The following HDHD2 variants were observed in gnomAD, a reference collection of about 807,000 sequenced individuals.
The protein encoded by HDHD2 is haloacid dehalogenase-like hydrolase domain-containing protein 2.
Under a neutral mutation model 24.8 loss-of-function variants are expected in HDHD2, and 26 were observed. The ratio of observed to expected loss-of-function variants is 1.05; its 90% CI spans 0.77 to 1.45. The LOEUF (loss-of-function observed/expected upper bound fraction) is 1.45. Among genes scored for constraint, HDHD2 ranks in the 40% most tolerant of loss-of-function variants. HDHD2 has a pLI of 0.00. For missense variants in HDHD2, 299 were observed against 313.4 expected (o/e 0.95, Z 0.35); for synonymous variants, 128 against 114.9 (o/e 1.11, Z -0.73).
Position 47,108,621 on chromosome 18 carries a change from A to AG in HDHD2, c.*60dup. 1 of 875,292 alleles carries AG rather than the reference A, an allele frequency of 1.1e-6. No homozygotes were observed. 54.2% of individuals were successfully genotyped at this position (875,292 alleles called of 1,614,324 possible). ...TACCGATGCTGGCACTGAGTTGGTA[A>AG]GGGATTCATTCCAGACAATAAGAAG... is the stretch of plus-strand genomic sequence containing the variant. On this transcript the variant is annotated 3_prime_UTR_variant, in exon 7 of 7. Coordinates refer to ENST00000300605, the MANE Select transcript of HDHD2 (RefSeq NM_032124.5).
At chr18:47,143,862 G>A (rs778180640) in intron 1 of HDHD2, among the ~76,000 whole-genome samples, 3 of 152,038 alleles carry the variant, frequency 2.0e-5, no homozygotes, top group Non-Finnish European at 4.4e-5. Flanking sequence ...TCCAAAATAG[G>A]AGTCCAAAAA....
intron 1 of HDHD2, among the ~76,000 whole-genome samples, chr18:47,145,226 C>G (rs908466821): frequency 2.0e-5 from 3 of 152,218 alleles, no homozygotes; most frequent in African/African-American, 7.2e-5. Flanking sequence ...CAACTCCAAT[C>G]AATATCCCAA....
chr18:47,141,455 GTCAT>G (rs1278020905), intron 1 of HDHD2, among the ~76,000 whole-genome samples: 2 of 152,096 alleles, frequency 1.3e-5, no homozygotes, highest in African/African-American at 4.8e-5. Context: ...TTGGGGCTGA[GTCAT>G]TAAAGAGGGT....
chr18:47,123,585 C>T (rs2063627871), intron 4 of HDHD2, among the ~76,000 whole-genome samples: 1 of 151,980 alleles, frequency 6.6e-6, no homozygotes, highest in African/African-American at 2.4e-5. Flanking sequence ...GAAATTCTGT[C>T]TCAGAAAAAC....
intron 1 of HDHD2, among the ~76,000 whole-genome samples, chr18:47,148,843 A>T (rs373055391): frequency 6.6e-5 from 10 of 152,198 alleles, no homozygotes; most frequent in African/African-American, 2.4e-4. Flanking sequence ...ACCAGCCCTA[A>T]ATTATTCCCT....
At chr18:47,121,312 A>G (rs967931114) in intron 4 of HDHD2, among the ~76,000 whole-genome samples, 1 of 152,060 alleles carries the variant, frequency 6.6e-6, no homozygotes, top group Non-Finnish European at 1.5e-5. Context: ...CCCACTCCCC[A>G]AAAGTGTTTC....
chr18:47,136,188 G>A (rs1241458028), intron 2 of HDHD2, 151 bp downstream of exon 2: 1 of 843,756 alleles, frequency 1.2e-6, no homozygotes, highest in African/African-American at 1.7e-5. Flanking sequence ...AAATTGTAAT[G>A]CATACATCTT....
intron 2 of HDHD2, among the ~76,000 whole-genome samples, chr18:47,135,639 T>C (rs1331968398): frequency 2.0e-5 from 3 of 152,212 alleles, no homozygotes; most frequent in African/African-American, 7.2e-5. Context: ...ATACTAAGTA[T>C]TGCTGATTTT....
chr18:47,115,078 G>A, intron 5 of HDHD2, 54 bp downstream of exon 5: 2 of 1,317,346 alleles, frequency 1.5e-6, no homozygotes, highest in Non-Finnish European at 2.2e-6. Context: ...TTCTAAGCTG[G>A]CTTTCCCAGC....
chr18:47,144,858 A>G (rs2063854030), intron 1 of HDHD2, among the ~76,000 whole-genome samples: 1 of 151,978 alleles, frequency 6.6e-6, no homozygotes, highest in Non-Finnish European at 1.5e-5. Context: ...CAAAGAAATC[A>G]AATTATAAGA....
intron 4 of HDHD2, among the ~76,000 whole-genome samples, chr18:47,118,068 G>A (rs1278267400): frequency 1.3e-5 from 2 of 151,824 alleles, no homozygotes; most frequent in African/African-American, 4.8e-5. Context: ...AAAATTTCTG[G>A]CTATAAATTC....
In HDHD2 at chr18:47,113,048, A is replaced by G. The variant is rs759582732; in HGVS notation, c.613-8T>C. 14 of 1,613,874 alleles carry G rather than the reference A, an allele frequency of 8.7e-6. No individual in the cohort carries two copies. The highest frequency in any genetic ancestry group is 1.2e-5 in the Non-Finnish European group (14 of 1,179,752). ...AACATCATCCCTGCAATCCTAGAAA[A>G]GCATAAAGAAAGCATTTAGTCCAGT... On this transcript the variant is annotated splice_polypyrimidine_tract_variant and splice_region_variant and intron_variant, in intron 5 of 6. Transcript: ENST00000300605.
intron 4 of HDHD2, among the ~76,000 whole-genome samples, chr18:47,117,609 A>G (rs2063568246): frequency 6.6e-6 from 1 of 152,226 alleles, no homozygotes; most frequent in African/African-American, 2.4e-5. Flanking sequence ...ATAGCAGCAC[A>G]AAATGTAAAA....
At chr18:47,115,439 T>C in intron 4 of HDHD2, 91 bp from the exon 5 acceptor site, 1 of 796,700 alleles carries the variant, frequency 1.3e-6, no homozygotes, top group Non-Finnish European at 2.0e-6. Context: ...GTGGCTGTAT[T>C]CACACCCACA....
intron 4 of HDHD2, among the ~76,000 whole-genome samples, chr18:47,116,636 A>G (rs1365167336): frequency 6.6e-6 from 1 of 152,208 alleles, no homozygotes; most frequent in African/African-American, 2.4e-5. Context: ...TTGAAATACA[A>G]CTATTAGGAA....
At chr18:47,113,950 C>T (rs2063536487) in intron 5 of HDHD2, among the ~76,000 whole-genome samples, 2 of 152,096 alleles carry the variant, frequency 1.3e-5, no homozygotes, top group South Asian at 4.2e-4. Context: ...CGGTGGGGGG[C>T]AGGGAACCAC....
chr18:47,149,585 A>G (rs1420897315), intron 1 of HDHD2, among the ~76,000 whole-genome samples: 5 of 152,044 alleles, frequency 3.3e-5, no homozygotes, highest in African/African-American at 9.7e-5. Context: ...GGCGGCCAAG[A>G]GCTCTACACT....
At chr18:47,148,291 T>C (rs1208028691) in intron 1 of HDHD2, among the ~76,000 whole-genome samples, 1 of 152,178 alleles carries the variant, frequency 6.6e-6, no homozygotes, top group African/African-American at 2.4e-5. Flanking sequence ...AAGCCTTGTC[T>C]GAACATGTAT....
At chr18:47,147,233 C>A (rs375419496) in intron 1 of HDHD2, among the ~76,000 whole-genome samples, 31 of 152,158 alleles carry the variant, frequency 2.0e-4, no homozygotes, top group Non-Finnish European at 4.1e-4. Flanking sequence ...AAAAAGAAGA[C>A]TGCAGAGGTT....
Sources: allele counts gnomAD v4.1 joint callset (sites outside exome capture counted in the v4.1 genomes callset), GRCh38; gene constraint gnomAD v4.1.1; transcripts MANE v1.5; gene names NCBI Gene and HGNC (gene_info 2026-07-23, HGNC 2026-07-21).